The following ADAMTS16 variants were observed in gnomAD, a reference collection of about 807,000 sequenced individuals.
ADAMTS16 encodes the protein A disintegrin and metalloproteinase with thrombospondin motifs 16.
Under a neutral mutation model 145.8 loss-of-function variants are expected in ADAMTS16, and 94 were observed. That is an observed-to-expected ratio of 0.64 (90% CI 0.55 to 0.77). The LOEUF (loss-of-function observed/expected upper bound fraction) is 0.77. Among genes scored for constraint, ADAMTS16 ranks in the 30% least tolerant of loss-of-function variants. The pLI, the probability that ADAMTS16 is intolerant of heterozygous loss-of-function variation, is 0.00. For synonymous variants in ADAMTS16, 659 were observed against 604.3 expected, an observed-to-expected ratio of 1.09 and a Z score of -1.33; for missense variants, 1,585 against 1,591.5, an observed-to-expected ratio of 1.00 and a Z score of 0.07.
At chr5:5,318,041 A>T in intron 21 of ADAMTS16, 93 bp from the exon 22 acceptor site, 2 of 1,229,932 alleles carry the variant, frequency 1.6e-6, no homozygotes, top group Non-Finnish European at 2.1e-6. Context: ...ACTGGCCTGC[A>T]GCAGCAGGCC....
chr5:5,241,036 T>C (rs1737273370), intron 16 of ADAMTS16, among the ~76,000 whole-genome samples: 1 of 152,066 alleles, frequency 6.6e-6, no homozygotes, highest in Admixed American at 6.5e-5. Context: ...AGTATCTCAA[T>C]GGCCTTGCAG....
At chr5:5,184,044 A>T (rs1008920421) in intron 4 of ADAMTS16, among the ~76,000 whole-genome samples, 3 of 152,184 alleles carry the variant, frequency 2.0e-5, no homozygotes, top group African/African-American at 7.2e-5. Flanking sequence ...AGGTGATAGT[A>T]CTACACTCCT....
intron 18 of ADAMTS16, among the ~76,000 whole-genome samples, chr5:5,285,127 G>T (rs895131504): frequency 2.0e-5 from 3 of 152,090 alleles, no homozygotes; most frequent in African/African-American, 7.2e-5. Flanking sequence ...AGATAAAAAA[G>T]AAGTTTCAGA....
At chr5:5,218,132 T>A (rs945251148) in intron 10 of ADAMTS16, among the ~76,000 whole-genome samples, 3 of 152,246 alleles carry the variant, frequency 2.0e-5, no homozygotes, top group African/African-American at 7.2e-5. Flanking sequence ...CCATGGTATG[T>A]TATGTACCAT....
intron 11 of ADAMTS16, among the ~76,000 whole-genome samples, chr5:5,226,228 T>C (rs1560957116): frequency 6.6e-6 from 1 of 152,152 alleles, no homozygotes; most frequent in Non-Finnish European, 1.5e-5. Flanking sequence ...GGATAATTTA[T>C]AAAGGAAAGA....
chr5:5,190,279 C>A lies in ADAMTS16; in HGVS notation c.1207+149C>A, dbSNP rs531587270. On this transcript the variant is annotated intron_variant, in intron 7 of 22. Coordinates refer to ENST00000274181, the MANE Select transcript of ADAMTS16 (RefSeq NM_139056.4). ...GTAAAGACTCACTTCCCTGTATAAACTTTAGCCAAACATAGAAGTACGCTT... is the reference window on the plus strand; with the variant it reads ...GTAAAGACTCACTTCCCTGTATAAAATTTAGCCAAACATAGAAGTACGCTT... 33 of 771,320 alleles carry A rather than the reference C, an allele frequency of 4.3e-5. No individual in the cohort carries two copies. In the African/African-American group the frequency reaches 4.7e-4, roughly 11 times the overall value. 47.8% of individuals were successfully genotyped at this position (771,320 alleles called of 1,614,324 possible). A position where few individuals can be genotyped will look rare whatever the true frequency, so the allele number is the denominator to read the frequency against.
intron 10 of ADAMTS16, among the ~76,000 whole-genome samples, chr5:5,215,812 T>C (rs1456803466): frequency 1.5e-5 from 2 of 130,732 alleles, no homozygotes; most frequent in African/African-American, 5.9e-5. Context: ...ATATGTGTGG[T>C]ATATATATGT....
At chr5:5,311,786 G>A (rs1219451146) in intron 21 of ADAMTS16, among the ~76,000 whole-genome samples, 2 of 150,308 alleles carry the variant, frequency 1.3e-5, no homozygotes, top group African/African-American at 4.9e-5. Flanking sequence ...GCCCAATCTC[G>A]GCTCACTGCA....
intron 18 of ADAMTS16, among the ~76,000 whole-genome samples, chr5:5,274,813 C>G (rs1346286410): frequency 6.6e-6 from 1 of 152,008 alleles, no homozygotes; most frequent in African/African-American, 2.4e-5. Context: ...CTAAAGAATA[C>G]TTCTGGTTTT....
At chr5:5,284,430 T>G (rs1419402442) in intron 18 of ADAMTS16, among the ~76,000 whole-genome samples, 1 of 152,230 alleles carries the variant, frequency 6.6e-6, no homozygotes, top group African/African-American at 2.4e-5. Flanking sequence ...ACCACAGTTG[T>G]TCAGGTTGAA....
intron 17 of ADAMTS16, among the ~76,000 whole-genome samples, chr5:5,245,663 C>T (rs1737420862): frequency 6.6e-6 from 1 of 151,954 alleles, no homozygotes; most frequent in African/African-American, 2.4e-5. Context: ...TTTCTCCCAC[C>T]TCTTGCTTCA....
chr5:5,306,421 C>G, intron 20 of ADAMTS16, 83 bp from the exon 21 acceptor site: 7 of 1,167,922 alleles, frequency 6.0e-6, no homozygotes, highest in East Asian at 2.4e-5. Context: ...AATGTTCAAG[C>G]AGATATCTCT....
chr5:5,147,812 A>T (rs1560923133), intron 3 of ADAMTS16, among the ~76,000 whole-genome samples: 1 of 152,172 alleles, frequency 6.6e-6, no homozygotes, highest in Non-Finnish European at 1.5e-5. Flanking sequence ...TGTGGCAGCG[A>T]GGTGTGCCTT....
At chr5:5,283,026 T>G (rs749143688) in intron 18 of ADAMTS16, among the ~76,000 whole-genome samples, 1 of 152,120 alleles carries the variant, frequency 6.6e-6, no homozygotes, top group Non-Finnish European at 1.5e-5. Flanking sequence ...AAATTTTATA[T>G]TTTTACATTT....
At chr5:5,266,915 A>G (rs940771504) in intron 18 of ADAMTS16, among the ~76,000 whole-genome samples, 1 of 152,232 alleles carries the variant, frequency 6.6e-6, no homozygotes, top group African/African-American at 2.4e-5. Flanking sequence ...AAATCTAAGC[A>G]GTCTTATGTT....
At chr5:5,289,909 T>C (rs10512784) in intron 18 of ADAMTS16, among the ~76,000 whole-genome samples, 6,569 of 152,330 alleles carry the variant, frequency 0.043, 154 homozygotes, top group Non-Finnish European at 0.054. Flanking sequence ...TAATCAAAAG[T>C]GCTGTCTCTA....
At chr5:5,217,539 C>A (rs952440308) in intron 10 of ADAMTS16, among the ~76,000 whole-genome samples, 8 of 152,082 alleles carry the variant, frequency 5.3e-5, no homozygotes, top group African/African-American at 1.9e-4. Context: ...GTAGTACAGA[C>A]AATTTGAGGA....
At chr5:5,189,418 T>C (rs1241978806) in intron 6 of ADAMTS16, among the ~76,000 whole-genome samples, 1 of 152,186 alleles carries the variant, frequency 6.6e-6, no homozygotes, top group African/African-American at 2.4e-5. Flanking sequence ...TTGCAGTTTA[T>C]TTTCCAGAAA....
intron 17 of ADAMTS16, among the ~76,000 whole-genome samples, chr5:5,246,138 T>G (rs934096): frequency 6.6e-6 from 1 of 152,084 alleles, no homozygotes; most frequent in Non-Finnish European, 1.5e-5. Context: ...TGTCATCTTT[T>G]AAAGTCAGTA....
Sources: allele counts gnomAD v4.1 joint callset (sites outside exome capture counted in the v4.1 genomes callset), GRCh38; gene constraint gnomAD v4.1.1; transcripts MANE v1.5; gene names NCBI Gene and HGNC (gene_info 2026-07-23, HGNC 2026-07-21).